Variants in KCNN3 observed in about 807,000 individuals in gnomAD.
The protein encoded by KCNN3 is potassium calcium-activated channel subfamily N member 3, also known as small conductance calcium-activated potassium channel protein 3.
KCNN3 carries 16 observed loss-of-function variants against 62.9 expected under a neutral mutation model. The ratio of observed to expected loss-of-function variants is 0.25; its 90% CI spans 0.17 to 0.39. The LOEUF (loss-of-function observed/expected upper bound fraction) is 0.39. Ranked by LOEUF, KCNN3 falls within the 10% of genes least tolerant of loss-of-function variation. The pLI is 1.00. For synonymous variants in KCNN3, 370 were observed against 389.2 expected, an observed-to-expected ratio of 0.95 and a Z score of 0.58; for missense variants, 599 against 949.4, an observed-to-expected ratio of 0.63 and a Z score of 4.85.
chr1:154,703,152 T>C lies in KCNN3; in HGVS notation c.*4824A>G, dbSNP rs1021519104. ...TGGTCTGTTTCAATAAAAATCTACA[T>C]ATTACTCGTCTAACAGGAGTTTAAC... On this transcript the variant is annotated 3_prime_UTR_variant, in exon 8 of 8. Coordinates refer to ENST00000271915, the MANE Select transcript of KCNN3 (RefSeq NM_002249.6). 5.3e-5 allele frequency: 8 copies of C among 152,220 alleles called. No homozygotes were observed. Among genetic ancestry groups the C allele is most frequent in the Non-Finnish European group, 1.2e-4 (8 of 68,042 alleles). 9.4% of individuals were successfully genotyped at this position (152,220 alleles called of 1,614,324 possible). A position where few individuals can be genotyped will look rare whatever the true frequency, so the allele number is the denominator to read the frequency against.
At chr1:154,714,605 GGTGTGTGGT>G (rs1489286097) in intron 6 of KCNN3, among the ~76,000 whole-genome samples, 521 of 26,074 alleles carry the variant, frequency 0.02, 23 homozygotes, top group African/African-American at 0.044. Flanking sequence ...TGTGATGTGT[GGTGTGTGGT>G]GTGTGTGTGT....
At position 154,706,850 on chromosome 1, in the gene KCNN3, C is replaced by T. The variant is rs920852975; in HGVS notation, c.*1126G>A. Reference sequence around the variant, plus strand: ...CTGGATAAATACAGCTCAGCAAATCCCCAACCATATTTCTATTCACTAAGG... The same window carrying T: ...CTGGATAAATACAGCTCAGCAAATCTCCAACCATATTTCTATTCACTAAGG... On this transcript the variant is annotated 3_prime_UTR_variant, in exon 8 of 8. Transcript: ENST00000271915. 7 of 152,166 alleles carry T rather than the reference C, an allele frequency of 4.6e-5. No individual in the cohort carries two copies. The highest frequency in any genetic ancestry group is 1.4e-4 in the African/African-American group (6 of 41,436). The allele number at this position is 152,166 out of a possible 1,614,324, so 9.4% of individuals were successfully genotyped here. A position where few individuals can be genotyped will look rare whatever the true frequency, so the allele number is the denominator to read the frequency against.
intron 2 of KCNN3, among the ~76,000 whole-genome samples, chr1:154,791,801 C>A (rs1389167327): frequency 6.6e-6 from 1 of 152,176 alleles, no homozygotes; most frequent in Non-Finnish European, 1.5e-5. Flanking sequence ...ACTTGAGGAT[C>A]TTTTAAACTT....
intron 2 of KCNN3, among the ~76,000 whole-genome samples, chr1:154,773,891 C>T (rs757596198): frequency 2.6e-5 from 4 of 152,202 alleles, no homozygotes; most frequent in Admixed American, 6.5e-5. Flanking sequence ...TTCCTTCTCC[C>T]CACTCAGAGA....
chr1:154,702,700 GAT>G lies in KCNN3; in HGVS notation c.*5274_*5275del, dbSNP rs67091748. 883 of 42,802 alleles carry G rather than the reference GAT, an allele frequency of 0.021. 13 individuals carry two copies. Among genetic ancestry groups the G allele is most frequent in the East Asian group, 0.037 (22 of 594 alleles). 2.7% of individuals were successfully genotyped at this position (42,802 alleles called of 1,614,324 possible). A position where few individuals can be genotyped will look rare whatever the true frequency, so the allele number is the denominator to read the frequency against. On this transcript the variant is annotated 3_prime_UTR_variant, in exon 8 of 8. Coordinates refer to ENST00000271915, the MANE Select transcript of KCNN3 (RefSeq NM_002249.6). ...ACGTTGGCTGCTTCGATCTGATTCA[GAT>G]ATATATATATATATATATATATATA...
intron 2 of KCNN3, among the ~76,000 whole-genome samples, chr1:154,784,873 A>G (rs1317069530): frequency 1.3e-5 from 2 of 152,214 alleles, no homozygotes; most frequent in East Asian, 3.8e-4. Flanking sequence ...GAGGCTAAAT[A>G]ATTTACTACA....
At chr1:154,718,936 C>A (rs1052083916) in intron 5 of KCNN3, among the ~76,000 whole-genome samples, 1 of 152,164 alleles carries the variant, frequency 6.6e-6, no homozygotes, top group East Asian at 1.9e-4. Flanking sequence ...ACTTCCCCAG[C>A]CAGCAAGAAA....
Position 154,723,019 on chromosome 1 carries a change from C to T in KCNN3, c.1701+2897G>A, listed in dbSNP as rs1261346383. ...TGATGGGATTACAGGCGTGAGCCAC[C>T]GCACCCGGCTGCTTAGCATCTTCTT... On this transcript the variant is annotated intron_variant, in intron 5 of 7. Coordinates refer to ENST00000271915, the MANE Select transcript of KCNN3 (RefSeq NM_002249.6). Among the ~76,000 whole-genome samples, 7 of 152,150 alleles carry T rather than the reference C, an allele frequency of 4.6e-5. 1 individual carries two copies. Among genetic ancestry groups the T allele is most frequent in the South Asian group, 4.1e-4 (2 of 4,826 alleles).
chr1:154,778,128 C>T (rs1254255026), intron 2 of KCNN3, among the ~76,000 whole-genome samples: 1 of 152,210 alleles, frequency 6.6e-6, no homozygotes, highest in East Asian at 1.9e-4. Context: ...GGCCTAATCC[C>T]TCTACCACTT....
chr1:154,711,155 A>C (rs1018495806), intron 7 of KCNN3, among the ~76,000 whole-genome samples: 29 of 152,032 alleles, frequency 1.9e-4, no homozygotes, highest in African/African-American at 6.8e-4. Context: ...ATGGAATACT[A>C]TGCAGCCATA....
chr1:154,802,091 T>C lies in KCNN3; in HGVS notation c.1029+19998A>G, dbSNP rs142049480. Among the ~76,000 whole-genome samples the C allele has an allele frequency of 4.4e-3, 674 of 152,330 alleles. 11 individuals carry two copies. Among genetic ancestry groups the C allele is most frequent in the East Asian group, 0.027 (142 of 5,190 alleles). ...AATAGCAGCTACCATACTGAATTCC[T>C]ACCCTGTACCACTGCTTTCTGAGCA... is the stretch of plus-strand genomic sequence containing the variant. On this transcript the variant is annotated intron_variant, in intron 2 of 7. Transcript: ENST00000271915.
intron 2 of KCNN3, among the ~76,000 whole-genome samples, chr1:154,797,079 G>A (rs1289112017): frequency 6.6e-6 from 1 of 152,210 alleles, no homozygotes; most frequent in South Asian, 2.1e-4. Flanking sequence ...AATGAAGCCA[G>A]TCTCCGAAGG....
At chr1:154,734,344 G>C (rs1700664064) in intron 3 of KCNN3, among the ~76,000 whole-genome samples, 1 of 152,192 alleles carries the variant, frequency 6.6e-6, no homozygotes, top group Non-Finnish European at 1.5e-5. Flanking sequence ...TAAGAACAAA[G>C]GGCCAGGGAG....
intron 1 of KCNN3, among the ~76,000 whole-genome samples, chr1:154,827,828 T>C (rs866644377): frequency 2.0e-4 from 30 of 150,690 alleles, no homozygotes; most frequent in South Asian, 4.3e-4. Flanking sequence ...ACAACAACAA[T>C]AATAATAATA....
intron 3 of KCNN3, among the ~76,000 whole-genome samples, chr1:154,760,863 A>C (rs868235637): frequency 6.6e-6 from 1 of 152,214 alleles, no homozygotes; most frequent in African/African-American, 2.4e-5. Context: ...CCCGCGAAGA[A>C]GCACTCCGGC....
Position 154,700,218 on chromosome 1 carries a change from G to A in KCNN3, c.*7758C>T, listed in dbSNP as rs1020849556. On this transcript the variant is annotated 3_prime_UTR_variant, in exon 8 of 8. Transcript: ENST00000271915. ...TTCTGGTGCATACAGGTCACCTGGG[G>A]ATTTGTTAAAAGGCCAATTCTGATG... The A allele has an allele frequency of 4.6e-5, 7 of 152,212 alleles. No individual in the cohort carries two copies. The highest frequency in any genetic ancestry group is 1.7e-4 in the African/African-American group (7 of 41,450). The allele number at this position is 152,212 out of a possible 1,614,324, so 9.4% of individuals were successfully genotyped here. A position where few individuals can be genotyped will look rare whatever the true frequency, so the allele number is the denominator to read the frequency against.
At chr1:154,843,774 C>A (rs1651929918) in intron 1 of KCNN3, among the ~76,000 whole-genome samples, 1 of 152,198 alleles carries the variant, frequency 6.6e-6, no homozygotes, top group East Asian at 1.9e-4. Context: ...AGGCACTTGG[C>A]AATAGTTACA....
intron 2 of KCNN3, among the ~76,000 whole-genome samples, chr1:154,791,723 A>G (rs17662704): frequency 0.041 from 6,175 of 152,288 alleles, 148 homozygotes; most frequent in African/African-American, 0.068. Context: ...CCTCTTCCAC[A>G]GCTTAAAGTA....
At position 154,869,614 on chromosome 1, in the gene KCNN3, G is replaced by A. The variant is rs781367114; in HGVS notation, c.351C>T (p.Thr117=). 5.6e-6 allele frequency: 9 copies of A among 1,614,070 alleles called. No individual in the cohort carries two copies. The highest frequency in any genetic ancestry group is 2.2e-5 in the East Asian group (1 of 44,880). Residue 117 remains threonine, a synonymous_variant, in exon 1 of 8, where the codon ACC becomes ACT. Transcript: ENST00000271915. This position sits in a 1 kb window ranked among gnomAD's most constrained non-coding sequence, Gnocchi z 6.1. Reference sequence around the variant, plus strand: ...GCCTGGAGGAAGGGTGGAGGATGGCGGTGGAGTTGGACGAAGGGGGGGCCC... The same window carrying A: ...GCCTGGAGGAAGGGTGGAGGATGGCAGTGGAGTTGGACGAAGGGGGGGCCC... ...AFRAPPSSNS[T]AILHPSSRQG... is the part of the protein sequence containing the mutation.
Sources: gnomAD v4.1 joint callset for allele counts (sites outside exome capture counted in the v4.1 genomes callset) on GRCh38, gnomAD v4.1.1 for gene constraint, Gnocchi (gnomAD v3.1) non-coding constraint, MANE v1.5 for transcripts, NCBI Gene and HGNC (gene_info 2026-07-23, HGNC 2026-07-21) for gene names.